IGF1R: variants seen among roughly 807,000 people sequenced by gnomAD.
IGF1R encodes the protein insulin-like growth factor 1 receptor.
IGF1R carries 44 observed loss-of-function variants against 144.6 expected under a neutral mutation model. The ratio of observed to expected loss-of-function variants is 0.30; its 90% CI spans 0.24 to 0.39. The LOEUF (loss-of-function observed/expected upper bound fraction) is 0.39, where lower values mean the gene tolerates loss of function less well. IGF1R is among the 10% of genes least tolerant of loss of function. The probability of loss-of-function intolerance (pLI) is 1.00; values close to 1 mark genes in which losing one functional copy is unlikely to be tolerated. For missense variants in IGF1R, 1,355 were observed against 1,833.7 expected (o/e 0.74, Z 4.77); for synonymous variants, 795 against 722.8 (o/e 1.10, Z -1.60).
At chr15:98,861,347 T>G (rs1730839330) in intron 2 of IGF1R, among the ~76,000 whole-genome samples, 1 of 152,158 alleles carries the variant, frequency 6.6e-6, no homozygotes, top group African/African-American at 2.4e-5. Context: ...CTCCTACTAT[T>G]AGCTCCGCCC....
intron 2 of IGF1R, among the ~76,000 whole-genome samples, chr15:98,739,107 G>A (rs1473918451): frequency 6.6e-6 from 1 of 152,178 alleles, no homozygotes; most frequent in African/African-American, 2.4e-5. Flanking sequence ...CTATTTTTAT[G>A]CTGTGGCTGT....
Position 98,935,011 on chromosome 15 carries a change from C to T in IGF1R, c.3144C>T (p.Leu1048=), listed in dbSNP as rs750453230. 1 of 1,614,134 alleles carries T rather than the reference C, an allele frequency of 6.2e-7. No individual in the cohort carries two copies. The highest frequency in any genetic ancestry group is 1.1e-5 in the South Asian group (1 of 91,072). ...GCATGCGTGAGAGGATTGAGTTTCT[C>T]AACGAAGCTTCTGTGATGAAGGAGT... ...AASMRERIEF[L]NEASVMKEFN... Residue 1048 remains leucine (L), a synonymous_variant, in exon 16 of 21, where the codon CTC becomes CTT. Coordinates refer to ENST00000650285, the MANE Select transcript of IGF1R (RefSeq NM_000875.5). This position sits in a 1 kb window ranked among gnomAD's most constrained non-coding sequence, Gnocchi z 4.2.
chr15:98,936,907 A>G (rs1281752939), intron 17 of IGF1R, among the ~76,000 whole-genome samples: 1 of 151,976 alleles, frequency 6.6e-6, no homozygotes, highest in Non-Finnish European at 1.5e-5. Flanking sequence ...TTCTTTCGAG[A>G]TGGAGTTTTG....
intron 3 of IGF1R, among the ~76,000 whole-genome samples, chr15:98,896,193 T>C (rs1168736626): frequency 6.6e-6 from 1 of 152,274 alleles, no homozygotes; most frequent in Non-Finnish European, 1.5e-5. Flanking sequence ...ATTTCGGTTG[T>C]GCTTTAGCAA....
intron 2 of IGF1R, among the ~76,000 whole-genome samples, chr15:98,795,373 G>C (rs1219075775): frequency 6.6e-6 from 1 of 151,928 alleles, no homozygotes; most frequent in African/African-American, 2.4e-5. Context: ...CAAATGATTA[G>C]ATTAGCATTA....
At chr15:98,918,607 G>A (rs1244271599) in intron 10 of IGF1R, among the ~76,000 whole-genome samples, 4 of 152,062 alleles carry the variant, frequency 2.6e-5, no homozygotes, top group African/African-American at 7.2e-5. Context: ...GCAGCCAGGC[G>A]CGGTGGCTCA....
At chr15:98,879,517 G>A (rs1235763089) in intron 2 of IGF1R, among the ~76,000 whole-genome samples, 4 of 152,146 alleles carry the variant, frequency 2.6e-5, no homozygotes, top group African/African-American at 9.7e-5. Flanking sequence ...GGAGGCACAC[G>A]GGGGTGAACA....
At chr15:98,911,846 C>G (rs1478706052) in intron 7 of IGF1R, among the ~76,000 whole-genome samples, 3 of 152,212 alleles carry the variant, frequency 2.0e-5, no homozygotes, top group African/African-American at 4.8e-5. Flanking sequence ...CCTGCAGGCA[C>G]GTGGCTCTTT....
At chr15:98,764,802 T>G (rs552829628) in intron 2 of IGF1R, among the ~76,000 whole-genome samples, 4 of 152,186 alleles carry the variant, frequency 2.6e-5, no homozygotes, top group African/African-American at 7.2e-5. Flanking sequence ...AAAAATTTTT[T>G]TATAGAGGTA....
At chr15:98,655,516 A>G (rs989566543) in intron 1 of IGF1R, among the ~76,000 whole-genome samples, 34 of 152,074 alleles carry the variant, frequency 2.2e-4, no homozygotes, top group African/African-American at 8.2e-4. Context: ...TTTCTTCCAC[A>G]GTAAATACAT....
chr15:98,902,236 A>T (rs1051173468), intron 5 of IGF1R, among the ~76,000 whole-genome samples: 3 of 152,090 alleles, frequency 2.0e-5, no homozygotes, highest in African/African-American at 4.8e-5. Context: ...AAAGATCCCT[A>T]GGCACTTCAG....
At position 98,929,645 on chromosome 15, in the gene IGF1R, T is replaced by C; in HGVS notation, c.2870T>C (p.Val957Ala). Residue 957 changes from valine (V) to alanine (A), a missense_variant, in exon 14 of 21, where the codon GTC becomes GCC. Physicochemically the swap from Val to Ala is moderately conservative, Grantham distance 64 (BLOSUM62 0). Transcript: ENST00000650285. ...IVGGLVIMLY[V>A]FHRKRNNSRL... ...GGAGGGTTGGTGATTATGCTGTACGTCTTCCATAGAAAGAGGTCAGTGATG... is the reference window on the plus strand; with the variant it reads ...GGAGGGTTGGTGATTATGCTGTACGCCTTCCATAGAAAGAGGTCAGTGATG... 6.2e-7 allele frequency: 1 copy of C among 1,613,148 alleles called. No individual in the cohort carries two copies. The highest frequency in any genetic ancestry group is 1.1e-5 in the South Asian group (1 of 91,076).
At chr15:98,937,904 G>A (rs1348700162) in intron 17 of IGF1R, among the ~76,000 whole-genome samples, 1 of 152,208 alleles carries the variant, frequency 6.6e-6, no homozygotes, top group Non-Finnish European at 1.5e-5. Context: ...CTGAAAAGTA[G>A]TGATTTGGAC....
rs757277080 is a variant in IGF1R, at chr15:98,957,183, G to A, written c.3845G>A (p.Ser1282Asn). The change falls in exon 21 of 21, where the codon AGC becomes AAC. Residue 1282 changes from serine to asparagine, a missense_variant. This residue lies in a region of IGF1R where 219 missense variants were observed against 188.8 expected (regional missense o/e 1.16). Coordinates refer to ENST00000650285, the MANE Select transcript of IGF1R (RefSeq NM_000875.5). ...PGFREVSFYY[S>N]EENKLPEPEE... Reference sequence around the variant, plus strand: ...TTCCGGGAGGTCTCCTTCTACTACAGCGAGGAGAACAAGCTGCCCGAGCCG... The same window carrying A: ...TTCCGGGAGGTCTCCTTCTACTACAACGAGGAGAACAAGCTGCCCGAGCCG... 15 of 1,614,150 alleles carry A rather than the reference G, an allele frequency of 9.3e-6. No homozygotes were observed. Among genetic ancestry groups the A allele is most frequent in the Non-Finnish European group, 1.2e-5 (14 of 1,180,062 alleles).
intron 2 of IGF1R, among the ~76,000 whole-genome samples, chr15:98,794,008 A>G (rs1224035715): frequency 6.6e-6 from 1 of 152,222 alleles, no homozygotes; most frequent in African/African-American, 2.4e-5. Context: ...GAAGCGCCCT[A>G]TCTTAGCACT....
rs1420451869 is a variant in IGF1R at position 98,818,193 on chromosome 15, T to C, written c.641-73132T>C. On this transcript the variant is annotated intron_variant, in intron 2 of 20. Coordinates refer to ENST00000650285, the MANE Select transcript of IGF1R (RefSeq NM_000875.5). ...CACATGAGGGGTTAGGGTTCCTACA[T>C]ATGAATTGGCAGGGTGGAGGTGGGA... 5.3e-5 allele frequency among the ~76,000 whole-genome samples: 8 copies of C among 152,174 alleles called. No individual in the cohort carries two copies. In the South Asian group the frequency reaches 1.0e-3, roughly 20 times the overall value.
chr15:98,752,479 C>T (rs1018058827), intron 2 of IGF1R, among the ~76,000 whole-genome samples: 3 of 151,986 alleles, frequency 2.0e-5, no homozygotes, highest in African/African-American at 7.3e-5. Context: ...GCCAGGAGAT[C>T]GAGACCATCC....
chr15:98,795,290 T>TAAGACCA (rs2056213300), intron 2 of IGF1R, among the ~76,000 whole-genome samples: 1 of 152,122 alleles, frequency 6.6e-6, no homozygotes, highest in South Asian at 2.1e-4. Context: ...CGTCTAGACT[T>TAAGACCA]AAATTAAATT....
intron 1 of IGF1R, among the ~76,000 whole-genome samples, chr15:98,687,733 G>A (rs1429519967): frequency 6.6e-6 from 1 of 152,232 alleles, no homozygotes; most frequent in African/African-American, 2.4e-5. Context: ...AGAAGCCAAA[G>A]CATCCCCAGG....
Sources: allele counts gnomAD v4.1 joint callset (sites outside exome capture counted in the v4.1 genomes callset), GRCh38; gene constraint gnomAD v4.1.1; regional missense constraint gnomAD v4.1.1; non-coding constraint Gnocchi (gnomAD v3.1); transcripts MANE v1.5; gene names NCBI Gene and HGNC (gene_info 2026-07-23, HGNC 2026-07-21).